The following CDKL5 variants were observed in gnomAD, a reference collection of about 807,000 sequenced individuals.
CDKL5 encodes cyclin dependent kinase like 5.
In CDKL5, 8 loss-of-function variants were observed where a neutral mutation model predicts 61.7. The ratio of observed to expected loss-of-function variants is 0.13; its 90% CI spans 0.08 to 0.23. CDKL5 has a LOEUF of 0.23. CDKL5 is among the 10% of genes least tolerant of loss of function. The probability of loss-of-function intolerance (pLI) is 1.00; values close to 1 mark genes in which losing one functional copy is unlikely to be tolerated. For missense variants in CDKL5, 440 were observed against 734.5 expected, an observed-to-expected ratio of 0.60 and a Z score of 4.63; for synonymous variants, 275 against 272.3, an observed-to-expected ratio of 1.01 and a Z score of -0.10.
In CDKL5 at chrX:18,633,442, C is replaced by T. The variant is rs1228764274; in HGVS notation, c.*4685C>T. 1 of 753,141 alleles carries T rather than the reference C, an allele frequency of 1.3e-6. No individual in the cohort carries two copies. Among genetic ancestry groups the T allele is most frequent in the South Asian group, 6.8e-5 (1 of 14,737 alleles). 62.1% of individuals were successfully genotyped at this position (753,141 alleles called of 1,213,427 possible). ...CCAGAATCTCACAAGAAGATCCTCT[C>T]AAAGACTTAAAAGCCTGGCTTACAA... On this transcript the variant is annotated 3_prime_UTR_variant, in exon 18 of 18. Transcript: ENST00000623535.
chrX:18,561,205 ACT>A (rs1388161562), intron 3 of CDKL5, among the ~76,000 whole-genome samples: 2 of 111,332 alleles, frequency 1.8e-5, no homozygotes, highest in Non-Finnish European at 3.8e-5. Flanking sequence ...GCTTCCAGTG[ACT>A]CTGAAGAATA....
At chrX:18,467,765 G>A (rs946068800) in intron 1 of CDKL5, among the ~76,000 whole-genome samples, 4 of 112,237 alleles carry the variant, frequency 3.6e-5, no homozygotes, top group Non-Finnish European at 7.5e-5. Context: ...GCAAGAGACA[G>A]TTACAATGAG....
intron 3 of CDKL5, among the ~76,000 whole-genome samples, chrX:18,541,033 G>T (rs1413622820): frequency 8.9e-6 from 1 of 111,801 alleles, no homozygotes; most frequent in East Asian, 2.8e-4. Context: ...TTTCCTTTTA[G>T]CCTCTGTGGT....
At chrX:18,486,158 A>AT (rs1244275591) in intron 1 of CDKL5, among the ~76,000 whole-genome samples, 3 of 110,523 alleles carry the variant, frequency 2.7e-5, no homozygotes, top group East Asian at 2.8e-4. Context: ...CCGAACACTC[A>AT]TTTTTTTTGC....
intron 3 of CDKL5, among the ~76,000 whole-genome samples, chrX:18,548,590 A>G (rs1201826229): frequency 8.9e-6 from 1 of 112,488 alleles, no homozygotes; most frequent in Non-Finnish European, 1.9e-5. Flanking sequence ...TTCAGATTTC[A>G]GTTGTCCTAT....
chrX:18,529,567 T>C (rs1923569527), intron 3 of CDKL5, among the ~76,000 whole-genome samples: 1 of 111,346 alleles, frequency 9.0e-6, no homozygotes, highest in African/African-American at 3.3e-5. Context: ...GGTGACAAAT[T>C]CACTCAGCAT....
At chrX:18,445,007 A>T (rs1931840212) in intron 1 of CDKL5, among the ~76,000 whole-genome samples, 1 of 110,902 alleles carries the variant, frequency 9.0e-6, no homozygotes, top group Non-Finnish European at 1.9e-5. Flanking sequence ...CAGCACCTGG[A>T]AAGTAGTGTA....
At chrX:18,485,116 A>G (rs1447556420) in intron 1 of CDKL5, among the ~76,000 whole-genome samples, 2 of 108,176 alleles carry the variant, frequency 1.8e-5, no homozygotes, top group Non-Finnish European at 3.8e-5. Context: ...TTTTTAATAT[A>G]ATTTTTGATT....
chrX:18,652,158 G>C (rs1334526945), intron 21 of CDKL5, among the ~76,000 whole-genome samples: 1 of 111,115 alleles, frequency 9.0e-6, no homozygotes, highest in East Asian at 2.8e-4. Context: ...CACTCTCTAG[G>C]TATTGACTGG....
intron 3 of CDKL5, among the ~76,000 whole-genome samples, chrX:18,557,582 T>G: frequency 8.9e-6 from 1 of 112,281 alleles, no homozygotes; most frequent in Non-Finnish European, 1.9e-5. Context: ...TTGGATATTT[T>G]AACTTAGCAA....
chrX:18,651,311 G>C (rs889735146), intron 21 of CDKL5, among the ~76,000 whole-genome samples: 1 of 109,512 alleles, frequency 9.1e-6, no homozygotes, highest in African/African-American at 3.3e-5. Flanking sequence ...GAGAGAGACA[G>C]AGAGGGATGT....
At chrX:18,517,908 C>T (rs773278290) in intron 3 of CDKL5, among the ~76,000 whole-genome samples, 37 of 110,815 alleles carry the variant, frequency 3.3e-4, no homozygotes, top group Non-Finnish European at 6.2e-4. Context: ...CTCAGGAGGC[C>T]GAGGCAGAAT....
At chrX:18,446,955 G>A (rs1931893536) in intron 1 of CDKL5, among the ~76,000 whole-genome samples, 1 of 111,850 alleles carries the variant, frequency 8.9e-6, no homozygotes, top group Non-Finnish European at 1.9e-5. Flanking sequence ...TCCTTTGCCA[G>A]GAGCCTTAGG....
chrX:18,440,950 C>A (rs1931726232), intron 1 of CDKL5, among the ~76,000 whole-genome samples: 1 of 111,086 alleles, frequency 9.0e-6, no homozygotes, highest in East Asian at 2.8e-4. Context: ...TAGTAATGTC[C>A]GAAAGAACCA....
chrX:18,640,461 G>T (rs1332676778), downstream of CDKL5: 2 of 33,733 alleles, frequency 5.9e-5, no homozygotes, highest in Non-Finnish European at 1.2e-4. Flanking sequence ...CCAACACCCT[G>T]TGTGATGTGT....
chrX:18,510,356 T>C (rs1246160809), intron 2 of CDKL5, among the ~76,000 whole-genome samples: 1 of 112,119 alleles, frequency 8.9e-6, no homozygotes, highest in Non-Finnish European at 1.9e-5. Context: ...GTTTTTGCCA[T>C]GTTGGCCAGG....
intron 16 of CDKL5, among the ~76,000 whole-genome samples, chrX:18,621,744 A>C (rs893156545): frequency 3.6e-5 from 4 of 111,747 alleles, no homozygotes; most frequent in African/African-American, 1.3e-4. Flanking sequence ...CATATTTTTA[A>C]CTGAAGCTTA....
intron 3 of CDKL5, among the ~76,000 whole-genome samples, chrX:18,538,037 A>C: frequency 8.9e-6 from 1 of 112,074 alleles, no homozygotes; most frequent in Non-Finnish European, 1.9e-5. Flanking sequence ...GACTGGCTGT[A>C]CAATTTTACC....
chrX:18,648,794 G>A (rs768119216), intron 20 of CDKL5, among the ~76,000 whole-genome samples: 19 of 111,343 alleles, frequency 1.7e-4, no homozygotes, highest in South Asian at 1.1e-3. Flanking sequence ...GGGTAAGGCC[G>A]AGAGAACTGC....
Sources: allele counts gnomAD v4.1 joint callset (sites outside exome capture counted in the v4.1 genomes callset), GRCh38; gene constraint gnomAD v4.1.1; transcripts MANE v1.5; gene names NCBI Gene and HGNC (gene_info 2026-07-23, HGNC 2026-07-21).